FBLL1: variants seen among roughly 807,000 people sequenced by gnomAD.
The protein encoded by FBLL1 is RNA 2'-O-methyltransferase FBLL1.
In FBLL1, 6 loss-of-function variants were observed where a neutral mutation model predicts 5.7. That is an observed-to-expected ratio of 1.05 (90% confidence interval 0.57 to 2.07). The LOEUF (loss-of-function observed/expected upper bound fraction) is 2.07. FBLL1 is among the 30% of genes most tolerant of loss of function. FBLL1 has a pLI of 0.00. For synonymous variants in FBLL1, 133 were observed against 75.1 expected, an observed-to-expected ratio of 1.77 and a Z score of -3.99; for missense variants, 258 against 165.2, an observed-to-expected ratio of 1.56 and a Z score of -3.08.
Position 168,530,429 on chromosome 5 carries a change from C to G in FBLL1, c.925C>G (p.Leu309Val), listed in dbSNP as rs1457104605. 1.3e-6 allele frequency: 1 copy of G among 764,124 alleles called. No homozygotes were observed. Among genetic ancestry groups the G allele is most frequent in the South Asian group, 1.3e-5 (1 of 74,268 alleles). The allele number at this position is 764,124 out of a possible 1,614,324, so 47.3% of individuals were successfully genotyped here. The change falls in exon 1 of 1, where the codon CTG becomes GTG. Residue 309 changes from leucine (L) to valine (V), a missense_variant. Physicochemically the swap from Leu to Val is conservative, Grantham distance 32. Transcript: ENST00000338333. The surrounding 1 kb of genome is among the most constrained non-coding windows in gnomAD (Gnocchi z 4.9). ...GGAGAACTTGAAGCCTCAAGAGCAG[C>G]TGACCCTGGAGCCCTATGAGCGGGA... ...QQENLKPQEQ[L>V]TLEPYERDHA...
rs1008629381 is a variant in FBLL1, at chr5:168,529,682, G to A, written c.178G>A (p.Gly60Ser). Residue 60 changes from glycine (G) to serine (S), a missense_variant, in exon 1 of 1, where the codon GGC becomes AGC. Gly to Ser is a moderately conservative substitution (Grantham distance 56, BLOSUM62 0). Transcript: ENST00000338333. The surrounding 1 kb of genome is among the most constrained non-coding windows in gnomAD (Gnocchi z 7.2). ...FGARARGFGG[G>S]GRGRGRGGGD... ...GGCGCGGGCGCGCGGCTTCGGCGGG[G>A]GCGGCCGGGGCCGGGGGCGCGGCGG... is the stretch of plus-strand genomic sequence containing the variant. The A allele has an allele frequency of 8.0e-6, 2 of 251,450 alleles. No individual in the cohort carries two copies. Among genetic ancestry groups the A allele is most frequent in the African/African-American group, 4.6e-5 (2 of 43,450 alleles). The allele number at this position is 251,450 out of a possible 1,614,324, so 15.6% of individuals were successfully genotyped here. A position where few individuals can be genotyped will look rare whatever the true frequency, so the allele number is the denominator to read the frequency against.
rs747335533 is a variant in FBLL1 at position 168,530,167 on chromosome 5, C to T, written c.663C>T (p.Asn221=). The change falls in exon 1 of 1, where the codon AAC becomes AAT. Residue 221 remains asparagine (N), a synonymous_variant. Transcript: ENST00000338333. This position sits in a 1 kb window ranked among gnomAD's most constrained non-coding sequence, Gnocchi z 4.9. ...TCAACGTGGCCAAGAAGCGCACCAA[C>T]ATCATTCCGGTCCTGGAGGACGCGC... The part of the protein sequence containing the change: ...DLVNVAKKRT[N]IIPVLEDARH... 5.2e-6 allele frequency: 4 copies of T among 765,306 alleles called. No homozygotes were observed. Among genetic ancestry groups the T allele is most frequent in the South Asian group, 4.0e-5 (3 of 74,564 alleles). The allele number at this position is 765,306 out of a possible 1,614,324, so 47.4% of individuals were successfully genotyped here.
rs1475710681 is a variant in FBLL1 at position 168,529,793 on chromosome 5, G to T, written c.289G>T (p.Val97Leu). ...SKSRRRKGAM[V>L]VSVEPHRHEG... ...GAGCCGCCGCAGGAAGGGCGCCATGGTGGTGTCGGTGGAGCCGCACCGGCA... is the reference window on the plus strand; with the variant it reads ...GAGCCGCCGCAGGAAGGGCGCCATGTTGGTGTCGGTGGAGCCGCACCGGCA... Residue 97 changes from valine (V) to leucine (L), a missense_variant, in exon 1 of 1, where the codon GTG (valine) becomes TTG (leucine). Val to Leu is a conservative substitution (Grantham distance 32). Transcript: ENST00000338333. The surrounding 1 kb of genome is among the most constrained non-coding windows in gnomAD (Gnocchi z 7.2). 7 of 698,706 alleles carry T rather than the reference G, an allele frequency of 1.0e-5. No homozygotes were observed. The highest frequency in any genetic ancestry group is 1.3e-5 in the Non-Finnish European group (5 of 383,408). 43.3% of individuals were successfully genotyped at this position (698,706 alleles called of 1,614,324 possible).
Position 168,529,790 on chromosome 5 carries a change from A to G in FBLL1, c.286A>G (p.Met96Val), listed in dbSNP as rs1251564493. The G allele has an allele frequency of 5.7e-6, 4 of 697,536 alleles. No homozygotes were observed. Among genetic ancestry groups the G allele is most frequent in the Admixed American group, 2.0e-5 (1 of 49,624 alleles). 43.2% of individuals were successfully genotyped at this position (697,536 alleles called of 1,614,324 possible). ...KSKSRRRKGAMVVSVEPHRHE... is the reference protein window; with the variant it reads ...KSKSRRRKGAVVVSVEPHRHE... ...CAAGAGCCGCCGCAGGAAGGGCGCC[A>G]TGGTGGTGTCGGTGGAGCCGCACCG... The change falls in exon 1 of 1, where the codon ATG becomes GTG. Residue 96 changes from methionine to valine, a missense_variant. By Grantham distance (21) the Met-to-Val change is conservative (BLOSUM62 1). Transcript: ENST00000338333. The surrounding 1 kb of genome is among the most constrained non-coding windows in gnomAD (Gnocchi z 7.2).
Position 168,529,910 on chromosome 5 carries a change from A to T in FBLL1, c.406A>T (p.Thr136Ser), listed in dbSNP as rs1375736571. Reference sequence around the variant, plus strand: ...GTCTGTGTACGGCGAGAGGCGCGTCACGGTGACCGAGGGCGGCGTGAAGCA... The same window carrying T: ...GTCTGTGTACGGCGAGAGGCGCGTCTCGGTGACCGAGGGCGGCGTGAAGCA... Reference protein sequence around the residue: ...GQSVYGERRVTVTEGGVKQEY... With the variant: ...GQSVYGERRVSVTEGGVKQEY... The change falls in exon 1 of 1, where the codon ACG (threonine) becomes TCG (serine). Residue 136 changes from threonine (T) to serine (S), a missense_variant. Transcript: ENST00000338333. This position sits in a 1 kb window ranked among gnomAD's most constrained non-coding sequence, Gnocchi z 7.2. The T allele has an allele frequency of 1.4e-6, 1 of 726,104 alleles. No homozygotes were observed. The highest frequency in any genetic ancestry group is 1.9e-5 in the Admixed American group (1 of 53,294). The allele number at this position is 726,104 out of a possible 1,614,324, so 45.0% of individuals were successfully genotyped here. A position where few individuals can be genotyped will look rare whatever the true frequency, so the allele number is the denominator to read the frequency against.
At position 168,529,775 on chromosome 5, in the gene FBLL1, C is replaced by G. The variant is rs917224387; in HGVS notation, c.271C>G (p.Arg91Gly). 4.3e-6 allele frequency: 3 copies of G among 692,530 alleles called. No individual in the cohort carries two copies. Among genetic ancestry groups the G allele is most frequent in the Non-Finnish European group, 7.9e-6 (3 of 380,492 alleles). 42.9% of individuals were successfully genotyped at this position (692,530 alleles called of 1,614,324 possible). A position where few individuals can be genotyped will look rare whatever the true frequency, so the allele number is the denominator to read the frequency against. ...RGGVAKSKSR[R>G]RKGAMVVSVE... ...CGGCGTGGCCAAGAGCAAGAGCCGC[C>G]GCAGGAAGGGCGCCATGGTGGTGTC... The change falls in exon 1 of 1, where the codon CGC becomes GGC. Residue 91 changes from arginine (R) to glycine (G), a missense_variant. Physicochemically the swap from Arg to Gly is moderately radical, Grantham distance 125. Transcript: ENST00000338333. This position sits in a 1 kb window ranked among gnomAD's most constrained non-coding sequence, Gnocchi z 7.2.
At position 168,530,064 on chromosome 5, in the gene FBLL1, C is replaced by T; in HGVS notation, c.560C>T (p.Ser187Phe). 1.3e-6 allele frequency: 1 copy of T among 758,324 alleles called. No homozygotes were observed. 47.0% of individuals were successfully genotyped at this position (758,324 alleles called of 1,614,324 possible). A position where few individuals can be genotyped will look rare whatever the true frequency, so the allele number is the denominator to read the frequency against. ...GGCGCCGCGTCGGGCACCACCGTCT[C>T]CCATGTCTCCGACATCATTGGCCCA... ...YLGAASGTTV[S>F]HVSDIIGPDG... Residue 187 changes from serine to phenylalanine, a missense_variant, in exon 1 of 1, where the codon TCC becomes TTC. Physicochemically the swap from Ser to Phe is radical, Grantham distance 155. Transcript: ENST00000338333. This position sits in a 1 kb window ranked among gnomAD's most constrained non-coding sequence, Gnocchi z 4.9.
Position 168,530,089 on chromosome 5 carries a change from A to G in FBLL1, c.585A>G (p.Pro195=), listed in dbSNP as rs1207600518. The G allele has an allele frequency of 1.3e-6, 1 of 759,420 alleles. No individual in the cohort carries two copies. Among genetic ancestry groups the G allele is most frequent in the Admixed American group, 1.7e-5 (1 of 58,088 alleles). 47.0% of individuals were successfully genotyped at this position (759,420 alleles called of 1,614,324 possible). Residue 195 remains proline, a synonymous_variant, in exon 1 of 1, where the codon CCA becomes CCG. Transcript: ENST00000338333. This position sits in a 1 kb window ranked among gnomAD's most constrained non-coding sequence, Gnocchi z 4.9. ...TVSHVSDIIG[P]DGLVYAVEFS... ...CCCATGTCTCCGACATCATTGGCCC[A>G]GACGGCCTGGTCTACGCCGTCGAGT...
rs2113070106 is a variant in FBLL1, at chr5:168,530,278, G to C, written c.774G>C (p.Val258=). Residue 258 remains valine (V), a synonymous_variant, in exon 1 of 1, where the codon GTG becomes GTC. Coordinates refer to ENST00000338333, the MANE Select transcript of FBLL1 (RefSeq NM_001355274.2). This position sits in a 1 kb window ranked among gnomAD's most constrained non-coding sequence, Gnocchi z 4.9. The part of the protein sequence containing the change: ...DVAQPDQSRI[V]ALNAHTFLRN... ...CCCAGCCGGACCAGTCCCGCATCGT[G>C]GCCCTGAACGCCCACACCTTCCTGC... 2.6e-6 allele frequency: 2 copies of C among 765,866 alleles called. No homozygotes were observed. The highest frequency in any genetic ancestry group is 2.4e-5 in the East Asian group (1 of 41,246). The allele number at this position is 765,866 out of a possible 1,614,324, so 47.4% of individuals were successfully genotyped here.
In FBLL1 at chr5:168,530,410, C is replaced by A; in HGVS notation, c.906C>A (p.Asn302Lys). 1.3e-6 allele frequency: 1 copy of A among 764,600 alleles called. No individual in the cohort carries two copies. The highest frequency in any genetic ancestry group is 1.3e-5 in the South Asian group (1 of 74,408). 47.4% of individuals were successfully genotyped at this position (764,600 alleles called of 1,614,324 possible). Residue 302 changes from asparagine (N) to lysine (K), a missense_variant, in exon 1 of 1, where the codon AAC becomes AAA. Physicochemically the swap from Asn to Lys is moderately conservative, Grantham distance 94. Coordinates refer to ENST00000338333, the MANE Select transcript of FBLL1 (RefSeq NM_001355274.2). The surrounding 1 kb of genome is among the most constrained non-coding windows in gnomAD (Gnocchi z 4.9). ...ASEVRKLQQE[N>K]LKPQEQLTLE... The stretch of plus-strand genomic sequence containing the variant: ...AGGTGAGGAAGTTGCAGCAGGAGAA[C>A]TTGAAGCCTCAAGAGCAGCTGACCC...
rs1416386639 is a variant in FBLL1, at chr5:168,529,809, C to G, written c.305C>G (p.Pro102Arg). 1.4e-6 allele frequency: 1 copy of G among 700,426 alleles called. No homozygotes were observed. The highest frequency in any genetic ancestry group is 2.6e-6 in the Non-Finnish European group (1 of 384,232). The allele number at this position is 700,426 out of a possible 1,614,324, so 43.4% of individuals were successfully genotyped here. Residue 102 changes from proline to arginine, a missense_variant, in exon 1 of 1, where the codon CCG (proline) becomes CGG (arginine). Coordinates refer to ENST00000338333, the MANE Select transcript of FBLL1 (RefSeq NM_001355274.2). This position sits in a 1 kb window ranked among gnomAD's most constrained non-coding sequence, Gnocchi z 7.2. ...GGCGCCATGGTGGTGTCGGTGGAGCCGCACCGGCACGAGGGCGTCTTCATC... is the reference window on the plus strand; with the variant it reads ...GGCGCCATGGTGGTGTCGGTGGAGCGGCACCGGCACGAGGGCGTCTTCATC... ...RKGAMVVSVE[P>R]HRHEGVFIYR...
Position 168,530,594 on chromosome 5 carries a change from T to G in FBLL1, c.*85T>G. ...CTGTGTGTTTTCTTTGTGAGTGTTT[T>G]GTTTTGTTGTTTTTCTATTAAACTG... On this transcript the variant is annotated 3_prime_UTR_variant, in exon 1 of 1. Transcript: ENST00000338333. The surrounding 1 kb of genome is among the most constrained non-coding windows in gnomAD (Gnocchi z 4.9). The G allele has an allele frequency of 1.6e-6, 1 of 622,344 alleles. No individual in the cohort carries two copies. The highest frequency in any genetic ancestry group is 2.9e-6 in the Non-Finnish European group (1 of 349,940). 38.6% of individuals were successfully genotyped at this position (622,344 alleles called of 1,614,324 possible).
Position 168,530,008 on chromosome 5 carries a change from C to T in FBLL1, c.504C>T (p.His168=), listed in dbSNP as rs1273249208. Residue 168 remains histidine, a synonymous_variant, in exon 1 of 1, where the codon CAC becomes CAT. Coordinates refer to ENST00000338333, the MANE Select transcript of FBLL1 (RefSeq NM_001355274.2). The surrounding 1 kb of genome is among the most constrained non-coding windows in gnomAD (Gnocchi z 4.9). ...AAILGGVDQI[H]IKPKSKVLYL... ...TCCTGGGCGGGGTGGACCAGATCCA[C>T]ATCAAGCCCAAGTCCAAGGTGCTGT... 9 of 754,200 alleles carry T rather than the reference C, an allele frequency of 1.2e-5. No homozygotes were observed. In the East Asian group the frequency reaches 1.7e-4, roughly 14 times the overall value. The allele number at this position is 754,200 out of a possible 1,614,324, so 46.7% of individuals were successfully genotyped here. A position where few individuals can be genotyped will look rare whatever the true frequency, so the allele number is the denominator to read the frequency against.
chr5:168,530,001 A>G lies in FBLL1; in HGVS notation c.497A>G (p.Gln166Arg). The change falls in exon 1 of 1, where the codon CAG becomes CGG. Residue 166 changes from glutamine (Q) to arginine (R), a missense_variant. Gln to Arg is a conservative substitution (Grantham distance 43). Coordinates refer to ENST00000338333, the MANE Select transcript of FBLL1 (RefSeq NM_001355274.2). This position sits in a 1 kb window ranked among gnomAD's most constrained non-coding sequence, Gnocchi z 4.9. ...GCGGCCATCCTGGGCGGGGTGGACC[A>G]GATCCACATCAAGCCCAAGTCCAAG... ...LAAAILGGVD[Q>R]IHIKPKSKVL... 1 of 753,696 alleles carries G rather than the reference A, an allele frequency of 1.3e-6. No individual in the cohort carries two copies. The highest frequency in any genetic ancestry group is 2.4e-6 in the Non-Finnish European group (1 of 412,502). 46.7% of individuals were successfully genotyped at this position (753,696 alleles called of 1,614,324 possible).
Position 168,530,023 on chromosome 5 carries a change from C to G in FBLL1, c.519C>G (p.Ser173=), listed in dbSNP as rs1758950072. ...GVDQIHIKPK[S]KVLYLGAASG... ...ACCAGATCCACATCAAGCCCAAGTC[C>G]AAGGTGCTGTACCTGGGCGCCGCGT... The change falls in exon 1 of 1, where the codon TCC becomes TCG. Residue 173 remains serine, a synonymous_variant. Coordinates refer to ENST00000338333, the MANE Select transcript of FBLL1 (RefSeq NM_001355274.2). This position sits in a 1 kb window ranked among gnomAD's most constrained non-coding sequence, Gnocchi z 4.9. 1.3e-6 allele frequency: 1 copy of G among 755,354 alleles called. No homozygotes were observed. The allele number at this position is 755,354 out of a possible 1,614,324, so 46.8% of individuals were successfully genotyped here. A position where few individuals can be genotyped will look rare whatever the true frequency, so the allele number is the denominator to read the frequency against.
Position 168,529,374 on chromosome 5 carries a change from C to A in FBLL1, c.-131C>A. On this transcript the variant is annotated 5_prime_UTR_variant, in exon 1 of 1. Coordinates refer to ENST00000338333, the MANE Select transcript of FBLL1 (RefSeq NM_001355274.2). The surrounding 1 kb of genome is among the most constrained non-coding windows in gnomAD (Gnocchi z 7.2). ...GTAGAGCCCGTCCTGCCCCCGCCGC[C>A]CGCCGCCCGCCGCCCGCCTCCGCTG... 2 of 152,896 alleles carry A rather than the reference C, an allele frequency of 1.3e-5. No homozygotes were observed. The highest frequency in any genetic ancestry group is 3.5e-4 in the South Asian group (2 of 5,634). The allele number at this position is 152,896 out of a possible 1,614,324, so 9.5% of individuals were successfully genotyped here.
At position 168,530,497 on chromosome 5, in the gene FBLL1, C is replaced by G. The variant is rs757704587; in HGVS notation, c.993C>G (p.Ser331Arg). The G allele has an allele frequency of 1.3e-6, 1 of 761,510 alleles. No homozygotes were observed. The highest frequency in any genetic ancestry group is 1.4e-5 in the South Asian group (1 of 73,970). The allele number at this position is 761,510 out of a possible 1,614,324, so 47.2% of individuals were successfully genotyped here. Residue 331 changes from serine (S) to arginine (R), a missense_variant, in exon 1 of 1, where the codon AGC becomes AGG. Coordinates refer to ENST00000338333, the MANE Select transcript of FBLL1 (RefSeq NM_001355274.2). This position sits in a 1 kb window ranked among gnomAD's most constrained non-coding sequence, Gnocchi z 4.9. Reference protein sequence around the residue: ...VVGVYRPLPKSSSK With the variant: ...VVGVYRPLPKRSSK ...GGGTCTACCGACCTCTTCCCAAGAG[C>G]AGCAGCAAATAGCACCCAGCTCAGG...
chr5:168,529,876 G>A lies in FBLL1; in HGVS notation c.372G>A (p.Val124=). 1.4e-6 allele frequency: 1 copy of A among 714,826 alleles called. No homozygotes were observed. Among genetic ancestry groups the A allele is most frequent in the South Asian group, 1.5e-5 (1 of 67,790 alleles). 44.3% of individuals were successfully genotyped at this position (714,826 alleles called of 1,614,324 possible). A position where few individuals can be genotyped will look rare whatever the true frequency, so the allele number is the denominator to read the frequency against. ...ACGCGCTGGTCACGCTGAACATGGT[G>A]CCGGGCCAGTCTGTGTACGGCGAGA... ...AEDALVTLNM[V]PGQSVYGERR... is the part of the protein sequence containing the mutation. The change falls in exon 1 of 1, where the codon GTG becomes GTA. Residue 124 remains valine (V), a synonymous_variant. Coordinates refer to ENST00000338333, the MANE Select transcript of FBLL1 (RefSeq NM_001355274.2). This position sits in a 1 kb window ranked among gnomAD's most constrained non-coding sequence, Gnocchi z 7.2.
rs1429568826 is a variant in FBLL1 at position 168,529,567 on chromosome 5, C to T, written c.63C>T (p.Gly21=). 6.8e-6 allele frequency: 1 copy of T among 147,076 alleles called. No homozygotes were observed. Among genetic ancestry groups the T allele is most frequent in the Non-Finnish European group, 1.5e-5 (1 of 65,978 alleles). The allele number at this position is 147,076 out of a possible 1,614,324, so 9.1% of individuals were successfully genotyped here. A position where few individuals can be genotyped will look rare whatever the true frequency, so the allele number is the denominator to read the frequency against. Residue 21 remains glycine, a synonymous_variant, in exon 1 of 1, where the codon GGC becomes GGT. Coordinates refer to ENST00000338333, the MANE Select transcript of FBLL1 (RefSeq NM_001355274.2). This position sits in a 1 kb window ranked among gnomAD's most constrained non-coding sequence, Gnocchi z 7.2. ...GCGGCCGCGGGGGCGGCGGCTGGGG[C>T]AGCTGGGGCGGGGGCCGAGGCGGCG... is the stretch of plus-strand genomic sequence containing the variant. The part of the protein sequence containing the change: ...GGGGRGGGGW[G]SWGGGRGGGG...
Sources: allele counts gnomAD v4.1 joint callset, GRCh38; gene constraint gnomAD v4.1.1; non-coding constraint Gnocchi (gnomAD v3.1); transcripts MANE v1.5; gene names NCBI Gene and HGNC (gene_info 2026-07-23, HGNC 2026-07-21).